The following GOLM1 variants were observed in gnomAD, a reference collection of about 807,000 sequenced individuals.
GOLM1 encodes golgi membrane protein 1, also known as epididymis luminal protein 46.
GOLM1 carries 31 observed loss-of-function variants against 50.5 expected under a neutral mutation model. That is an observed-to-expected ratio of 0.61 (90% CI 0.46 to 0.83). The LOEUF (loss-of-function observed/expected upper bound fraction) is 0.83. GOLM1 is among the 40% of genes least tolerant of loss of function. GOLM1 has a pLI of 0.00. For synonymous variants in GOLM1, 178 were observed against 192.8 expected, an observed-to-expected ratio of 0.92 and a Z score of 0.64; for missense variants, 491 against 501.3, an observed-to-expected ratio of 0.98 and a Z score of 0.20.
intron 2 of GOLM1, chr9:86,077,945 A>C: frequency 9.1e-6 from 2 of 218,910 alleles, no homozygotes; most frequent in East Asian, 1.0e-4. Flanking sequence ...GCACTTAACA[A>C]CTCTTTAGCA....
At chr9:86,044,440 G>A (rs1254014047) in intron 5 of GOLM1, among the ~76,000 whole-genome samples, 1 of 152,196 alleles carries the variant, frequency 6.6e-6, no homozygotes, top group South Asian at 2.1e-4. Flanking sequence ...CGCAATGCAC[G>A]TGAGGCAACT....
At chr9:86,054,745 A>T (rs1324393574) in intron 3 of GOLM1, among the ~76,000 whole-genome samples, 1 of 152,204 alleles carries the variant, frequency 6.6e-6, no homozygotes, top group Non-Finnish European at 1.5e-5. Context: ...AGTAGGCTGT[A>T]CCTAATGTTA....
At position 86,096,557 on chromosome 9, in the gene GOLM1, T is replaced by A. The variant is rs539561402; in HGVS notation, c.-22+2854A>T. Reference sequence around the variant, plus strand: ...GAGGTCTGTTTATTCCACTAATAAATGCAAACACAGGACAGCAAAATACCG... The same window carrying A: ...GAGGTCTGTTTATTCCACTAATAAAAGCAAACACAGGACAGCAAAATACCG... On this transcript the variant is annotated intron_variant, in intron 1 of 9. Coordinates refer to ENST00000388712, the MANE Select transcript of GOLM1 (RefSeq NM_016548.4). 1.7e-4 allele frequency among the ~76,000 whole-genome samples: 26 copies of A among 152,284 alleles called. 1 individual carries two copies. The highest frequency in any genetic ancestry group is 5.8e-4 in the African/African-American group (24 of 41,556).
chr9:86,062,729 G>T (rs368411893), intron 3 of GOLM1, among the ~76,000 whole-genome samples: 2 of 144,164 alleles, frequency 1.4e-5, no homozygotes, highest in Non-Finnish European at 3.0e-5. Flanking sequence ...AGAAGCAAAC[G>T]GGGGGGGCTG....
In GOLM1 at chr9:86,035,436, T is replaced by G. The variant is rs112425778; in HGVS notation, c.947A>C (p.Glu316Ala). 4 of 1,613,860 alleles carry G rather than the reference T, an allele frequency of 2.5e-6. No homozygotes were observed. Residue 316 changes from glutamate to alanine, a missense_variant, in exon 8 of 10, where the codon GAG becomes GCG. Coordinates refer to ENST00000388712, the MANE Select transcript of GOLM1 (RefSeq NM_016548.4). ...LSVSQENPEM[E>A]GPERDQLVIP... Reference sequence around the variant, plus strand: ...GACAAGCTGGTCTCGCTCAGGGCCCTCCATCTCTGGATTTTCCTGGCTCAC... The same window carrying G: ...GACAAGCTGGTCTCGCTCAGGGCCCGCCATCTCTGGATTTTCCTGGCTCAC...
At chr9:86,070,881 AG>A (rs1834429467) in intron 3 of GOLM1, among the ~76,000 whole-genome samples, 1 of 152,228 alleles carries the variant, frequency 6.6e-6, no homozygotes, top group South Asian at 2.1e-4. Context: ...TCTGCAGGCC[AG>A]GAAGTTGTAC....
intron 3 of GOLM1, among the ~76,000 whole-genome samples, chr9:86,053,556 TACACACACACACA>T (rs1833860558): frequency 5.3e-3 from 2 of 376 alleles, no homozygotes; most frequent in Non-Finnish European, 0.014. Flanking sequence ...AAACACACAC[TACACACACACACA>T]TCACACACAC....
intron 6 of GOLM1, among the ~76,000 whole-genome samples, chr9:86,039,689 C>T (rs149546831): frequency 6.6e-5 from 10 of 152,222 alleles, no homozygotes; most frequent in East Asian, 5.8e-4. Context: ...CCAGACAGTC[C>T]GGGCGTGGTG....
Position 86,027,672 on chromosome 9 carries a change from A to AAAG in GOLM1, c.*142_*144dup. The AAAG allele has an allele frequency of 7.1e-7, 1 of 1,415,246 alleles. No homozygotes were observed. The highest frequency in any genetic ancestry group is 9.2e-7 in the Non-Finnish European group (1 of 1,086,330). 87.7% of individuals were successfully genotyped at this position (1,415,246 alleles called of 1,614,324 possible). ...AAGACCATTCCATTTTTTCCTACAC[A>AAAG]AAGTGCATACTAAAATTTCACAATA... is the stretch of plus-strand genomic sequence containing the variant. On this transcript the variant is annotated 3_prime_UTR_variant, in exon 10 of 10. Coordinates refer to ENST00000388712, the MANE Select transcript of GOLM1 (RefSeq NM_016548.4).
intron 4 of GOLM1, among the ~76,000 whole-genome samples, chr9:86,050,326 T>G (rs905136214): frequency 6.6e-6 from 1 of 152,216 alleles, no homozygotes; most frequent in African/African-American, 2.4e-5. Context: ...TCTAAAATTC[T>G]CTTTTTTTGT....
intron 6 of GOLM1, among the ~76,000 whole-genome samples, chr9:86,037,794 G>C (rs1228110097): frequency 1.3e-5 from 2 of 152,126 alleles, no homozygotes; most frequent in Non-Finnish European, 2.9e-5. Flanking sequence ...CTGGTGTCAG[G>C]GTGGGAGAGC....
intron 1 of GOLM1, among the ~76,000 whole-genome samples, chr9:86,080,400 G>A (rs924225932): frequency 2.0e-5 from 3 of 152,146 alleles, no homozygotes; most frequent in Non-Finnish European, 4.4e-5. Context: ...AGTGAGCGTG[G>A]CTGCACTGCA....
rs1160013615 is a variant in GOLM1, at chr9:86,026,513, T to G, written c.*1304A>C. On this transcript the variant is annotated 3_prime_UTR_variant, in exon 10 of 10. Transcript: ENST00000388712. ...GCGCACCAGCTAGATGCTCTGTAAC[T>G]TCTAGGCCCCATTTTCCCCTCTGAA... 17 of 882,692 alleles carry G rather than the reference T, an allele frequency of 1.9e-5. No individual in the cohort carries two copies. The highest frequency in any genetic ancestry group is 2.3e-5 in the Non-Finnish European group (17 of 736,234). The allele number at this position is 882,692 out of a possible 1,614,324, so 54.7% of individuals were successfully genotyped here.
At chr9:86,095,074 TAA>T (rs71372459) in intron 1 of GOLM1, among the ~76,000 whole-genome samples, 25 of 135,208 alleles carry the variant, frequency 1.8e-4, no homozygotes, top group Middle Eastern at 3.8e-3. Flanking sequence ...AAACCCCGTC[TAA>T]AAAAAAAAAA....
intron 1 of GOLM1, among the ~76,000 whole-genome samples, chr9:86,085,199 T>C (rs1035839474): frequency 5.9e-5 from 9 of 152,184 alleles, no homozygotes; most frequent in Non-Finnish European, 1.3e-4. Flanking sequence ...ACAATCTCAT[T>C]AGTGATATTT....
intron 3 of GOLM1, among the ~76,000 whole-genome samples, chr9:86,053,403 CCA>C (rs1304665719): frequency 2.2e-5 from 3 of 137,188 alleles, no homozygotes; most frequent in Non-Finnish European, 4.8e-5. Context: ...TCAGTCCACA[CCA>C]CACACTTCAC....
intron 4 of GOLM1, among the ~76,000 whole-genome samples, chr9:86,051,016 C>T (rs1334383530): frequency 6.6e-6 from 1 of 152,110 alleles, no homozygotes; most frequent in Non-Finnish European, 1.5e-5. Context: ...TATAAATTTC[C>T]CTCTATGCAC....
intron 1 of GOLM1, among the ~76,000 whole-genome samples, chr9:86,098,399 A>T (rs1835416465): frequency 6.6e-6 from 1 of 152,228 alleles, no homozygotes; most frequent in South Asian, 2.1e-4. Context: ...CCTGATGGCC[A>T]TGAGCTAAAC....
chr9:86,083,926 T>C (rs993557338), intron 1 of GOLM1, among the ~76,000 whole-genome samples: 1 of 152,198 alleles, frequency 6.6e-6, no homozygotes, highest in African/African-American at 2.4e-5. Flanking sequence ...TCTTCCTCCT[T>C]TCATGTGAAT....
Sources: gnomAD v4.1 joint callset for allele counts (sites outside exome capture counted in the v4.1 genomes callset) on GRCh38, gnomAD v4.1.1 for gene constraint, MANE v1.5 for transcripts, NCBI Gene and HGNC (gene_info 2026-07-23, HGNC 2026-07-21) for gene names.